Variants in TENM3 observed in about 807,000 individuals in gnomAD.
The protein encoded by TENM3 is teneurin transmembrane protein 3.
TENM3 carries 63 observed loss-of-function variants against 255.1 expected under a neutral mutation model. That is an observed-to-expected ratio of 0.25 (90% CI 0.20 to 0.30). The LOEUF (loss-of-function observed/expected upper bound fraction) is 0.30. TENM3 is among the 10% of genes least tolerant of loss of function. The pLI is 1.00. For missense variants in TENM3, 2,929 were observed against 3,461.1 expected (o/e 0.85, Z 3.86); for synonymous variants, 1,306 against 1,322.3 (o/e 0.99, Z 0.27).
chr4:182,465,923 A>G (rs997469458), intron 3 of TENM3, among the ~76,000 whole-genome samples: 2 of 152,080 alleles, frequency 1.3e-5, no homozygotes, highest in African/African-American at 2.4e-5. Flanking sequence ...TTTTTTTAAT[A>G]TAAGAGGCCA....
the TENM3 span, among the ~76,000 whole-genome samples, chr4:181,509,410 C>T: frequency 6.0e-5 from 9 of 149,416 alleles, no homozygotes; most frequent in South Asian, 1.9e-3. Flanking sequence ...TTTTTTTTTA[C>T]ACTTTTGGTA....
At chr4:181,610,493 G>A in the TENM3 span, among the ~76,000 whole-genome samples, 2 of 152,076 alleles carry the variant, frequency 1.3e-5, no homozygotes, top group African/African-American at 2.4e-5. Context: ...ATAGTTTCAT[G>A]TACCTCAGTT....
chr4:182,092,290 G>A, the TENM3 span, among the ~76,000 whole-genome samples: 2 of 152,064 alleles, frequency 1.3e-5, no homozygotes, highest in African/African-American at 2.4e-5. Context: ...AGTTGAGATG[G>A]CGCCACTACA....
chr4:181,527,813 C>G, the TENM3 span, among the ~76,000 whole-genome samples: 10 of 142,776 alleles, frequency 7.0e-5, no homozygotes, highest in Non-Finnish European at 1.1e-4. Context: ...TCTTTTTTTT[C>G]GTTTAATGTA....
the TENM3 span, among the ~76,000 whole-genome samples, chr4:181,977,909 G>C: frequency 4.9e-4 from 75 of 152,318 alleles, 1 homozygote; most frequent in Admixed American, 6.5e-4. Context: ...GAAGAGGACT[G>C]AAAGTAAGAA....
chr4:182,755,474 C>T (rs12512258), intron 22 of TENM3: 5 of 491,522 alleles, frequency 1.0e-5, no homozygotes, highest in African/African-American at 2.0e-5. Flanking sequence ...CCCAGGACTT[C>T]GAGGCCACAG....
intron 24 of TENM3, among the ~76,000 whole-genome samples, chr4:182,782,560 G>A: frequency 1.2e-5 from 1 of 82,384 alleles, no homozygotes; most frequent in Non-Finnish European, 2.2e-5. Flanking sequence ...TTCTGTAGAT[G>A]TCTATTAGGT....
chr4:181,480,478 T>C, the TENM3 span, among the ~76,000 whole-genome samples: 2 of 152,154 alleles, frequency 1.3e-5, no homozygotes. Flanking sequence ...TCAGTGTTAA[T>C]TTTGGTGATA....
chr4:182,622,457 AT>A (rs1750386019), intron 4 of TENM3, among the ~76,000 whole-genome samples: 1 of 152,218 alleles, frequency 6.6e-6, no homozygotes, highest in Admixed American at 6.5e-5. Context: ...GAGGTGTCTG[AT>A]TTGAAGTCAG....
chr4:181,921,580 A>AT, the TENM3 span, among the ~76,000 whole-genome samples: 3 of 152,254 alleles, frequency 2.0e-5, no homozygotes, highest in African/African-American at 7.2e-5. Flanking sequence ...TTGTAGATTG[A>AT]TTTTGTATCC....
At chr4:182,677,269 C>A (rs1305077002) in intron 7 of TENM3, among the ~76,000 whole-genome samples, 1 of 152,156 alleles carries the variant, frequency 6.6e-6, no homozygotes, top group Non-Finnish European at 1.5e-5. Context: ...TCCTCCTCCC[C>A]ACCATCATGC....
At chr4:181,807,562 A>G in the TENM3 span, among the ~76,000 whole-genome samples, 1 of 152,170 alleles carries the variant, frequency 6.6e-6, no homozygotes, top group African/African-American at 2.4e-5. Flanking sequence ...CATGTTGGTC[A>G]GTCTGGTCTT....
the TENM3 span, among the ~76,000 whole-genome samples, chr4:181,613,148 A>G: frequency 6.6e-6 from 1 of 152,362 alleles, no homozygotes; most frequent in East Asian, 1.9e-4. Flanking sequence ...TCCCTAGGAC[A>G]GGTCTAAGTT....
chr4:181,921,342 G>A, the TENM3 span, among the ~76,000 whole-genome samples: 17 of 152,200 alleles, frequency 1.1e-4, no homozygotes, highest in Non-Finnish European at 1.9e-4. Context: ...CCATTTTTAC[G>A]ATATCGATTC....
At chr4:182,334,210 T>C (rs58273944) in intron 2 of TENM3, among the ~76,000 whole-genome samples, 1 of 152,298 alleles carries the variant, frequency 6.6e-6, no homozygotes, top group African/African-American at 2.4e-5. Context: ...TATAAAATTC[T>C]TTGGAATAAA....
At chr4:181,746,137 TAGGGA>T in the TENM3 span, among the ~76,000 whole-genome samples, 13 of 152,014 alleles carry the variant, frequency 8.6e-5, no homozygotes, top group Non-Finnish European at 1.8e-4. Flanking sequence ...CTGAGTTCCC[TAGGGA>T]AGGAGCTGGA....
chr4:182,397,593 G>A (rs935217778), intron 3 of TENM3, among the ~76,000 whole-genome samples: 5 of 151,942 alleles, frequency 3.3e-5, no homozygotes, highest in African/African-American at 1.2e-4. Context: ...GTTATCCCAG[G>A]CTGAGAAAGG....
At chr4:182,064,014 G>A in the TENM3 span, among the ~76,000 whole-genome samples, 2 of 152,052 alleles carry the variant, frequency 1.3e-5, no homozygotes, top group African/African-American at 2.4e-5. Context: ...CTAAAAGCAC[G>A]GGCTTGAAGA....
chr4:181,920,373 C>T, the TENM3 span, among the ~76,000 whole-genome samples: 1 of 151,828 alleles, frequency 6.6e-6, no homozygotes, highest in Non-Finnish European at 1.5e-5. Flanking sequence ...GTTCCTATTT[C>T]TCCACATCCT....
Sources: gnomAD v4.1 joint callset for allele counts (sites outside exome capture counted in the v4.1 genomes callset) on GRCh38, gnomAD v4.1.1 for gene constraint, MANE v1.5 for transcripts, NCBI Gene and HGNC (gene_info 2026-07-23, HGNC 2026-07-21) for gene names.